CLNK: variants seen among roughly 807,000 people sequenced by gnomAD.
CLNK encodes cytokine-dependent hematopoietic cell linker.
In CLNK, 74 loss-of-function variants were observed where a neutral mutation model predicts 68.6. The observed-to-expected ratio is 1.08, with a 90% confidence interval of 0.89 to 1.31. The LOEUF (loss-of-function observed/expected upper bound fraction) is 1.31, where lower values mean the gene tolerates loss of function less well. Ranked by LOEUF, CLNK falls within the 50% of genes most tolerant of loss-of-function variation. CLNK has a pLI of 0.00. For synonymous variants in CLNK, 198 were observed against 172.2 expected (o/e 1.15, Z -1.17); for missense variants, 553 against 515.3 (o/e 1.07, Z -0.71).
At chr4:10,507,934 T>C (rs1717380415) in intron 17 of CLNK, 25 bp downstream of exon 17, 4 of 1,562,528 alleles carry the variant, frequency 2.6e-6, no homozygotes, top group South Asian at 1.2e-5. Context: ...GAAACAATAA[T>C]GATGGGCCAC....
At chr4:10,669,047 GACCCAGA>G (rs1369631419) in intron 1 of CLNK, among the ~76,000 whole-genome samples, 2 of 152,090 alleles carry the variant, frequency 1.3e-5, no homozygotes, top group African/African-American at 2.4e-5. Context: ...AGGTCCAGAG[GACCCAGA>G]AATTTCCATT....
chr4:10,722,277 T>A, the CLNK span, among the ~76,000 whole-genome samples: 1 of 152,162 alleles, frequency 6.6e-6, no homozygotes, highest in African/African-American at 2.4e-5. Context: ...TTCAATGGGA[T>A]TGAATTTTGA....
chr4:10,676,768 C>G (rs1248023007), intron 1 of CLNK, among the ~76,000 whole-genome samples: 1 of 151,922 alleles, frequency 6.6e-6, no homozygotes, highest in African/African-American at 2.4e-5. Context: ...GTTCATTTAG[C>G]TTTCTCATGT....
intron 8 of CLNK, among the ~76,000 whole-genome samples, chr4:10,547,886 A>T (rs187631469): frequency 5.9e-5 from 9 of 152,228 alleles, no homozygotes; most frequent in African/African-American, 1.7e-4. Context: ...TGATCCATTC[A>T]TCTGTCTATG....
chr4:10,646,392 G>C (rs1352279670), intron 2 of CLNK, among the ~76,000 whole-genome samples: 5 of 152,144 alleles, frequency 3.3e-5, no homozygotes, highest in Non-Finnish European at 5.9e-5. Flanking sequence ...GCATTTTAAG[G>C]GTCAGTCTAT....
chr4:10,527,030 C>T (rs1483864987), intron 13 of CLNK, among the ~76,000 whole-genome samples: 1 of 152,176 alleles, frequency 6.6e-6, no homozygotes, highest in African/African-American at 2.4e-5. Context: ...GATCGAAGGA[C>T]CGTGATTACT....
rs369706870 is a variant in CLNK, at chr4:10,553,959, G to A, written c.445+4448C>T. ...GTAGGGTGTGCTTCCTGGGAAGGTG[G>A]TGAGGCTCTTGGGCCACTCAATTAT... is the stretch of plus-strand genomic sequence containing the variant. On this transcript the variant is annotated intron_variant, in intron 8 of 18. Coordinates refer to ENST00000226951, the MANE Select transcript of CLNK (RefSeq NM_052964.4). Among the ~76,000 whole-genome samples, 18 of 152,314 alleles carry A rather than the reference G, an allele frequency of 1.2e-4. No homozygotes were observed. The South Asian group carries it at 3.5e-3, about 30-fold the overall frequency.
chr4:10,582,956 C>G (rs1448379631), intron 4 of CLNK, among the ~76,000 whole-genome samples: 1 of 152,122 alleles, frequency 6.6e-6, no homozygotes, highest in Non-Finnish European at 1.5e-5. Flanking sequence ...TGCTTTTTCA[C>G]AAAATCACAT....
chr4:10,678,810 T>C (rs879217981), intron 1 of CLNK, among the ~76,000 whole-genome samples: 2 of 152,100 alleles, frequency 1.3e-5, no homozygotes, highest in Non-Finnish European at 2.9e-5. Context: ...TTACAAGGGA[T>C]GTGAAGGACC....
At chr4:10,723,503 T>C in the CLNK span, among the ~76,000 whole-genome samples, 1 of 152,126 alleles carries the variant, frequency 6.6e-6, no homozygotes, top group African/African-American at 2.4e-5. Context: ...GTCTCAGAAG[T>C]GATGTGTGGA....
At chr4:10,578,289 G>A (rs1720645934) in intron 4 of CLNK, among the ~76,000 whole-genome samples, 1 of 152,140 alleles carries the variant, frequency 6.6e-6, no homozygotes. Flanking sequence ...TCTGTTTTTA[G>A]TGCTCATTTT....
chr4:10,725,124 C>A, the CLNK span, among the ~76,000 whole-genome samples: 1 of 152,148 alleles, frequency 6.6e-6, no homozygotes, highest in Non-Finnish European at 1.5e-5. Context: ...TGCATAATGC[C>A]TCCCCAGGTC....
At chr4:10,557,209 C>T (rs1178933875) in intron 8 of CLNK, among the ~76,000 whole-genome samples, 2 of 152,096 alleles carry the variant, frequency 1.3e-5, no homozygotes, top group African/African-American at 2.4e-5. Context: ...CTTTTCACTG[C>T]GCTGGCACTT....
At chr4:10,558,285 T>C (rs757327784) in intron 8 of CLNK, 122 bp downstream of exon 8, 1 of 757,970 alleles carries the variant, frequency 1.3e-6, no homozygotes, top group Non-Finnish European at 2.3e-6. Context: ...TCCTGAAGTG[T>C]AATTCAATAG....
chr4:10,640,292 G>A (rs1402201665), intron 2 of CLNK, among the ~76,000 whole-genome samples: 1 of 152,152 alleles, frequency 6.6e-6, no homozygotes, highest in African/African-American at 2.4e-5. Context: ...GGCCTCCCAA[G>A]TAGCTGGGAT....
At chr4:10,622,097 T>G (rs1272732464) in intron 2 of CLNK, among the ~76,000 whole-genome samples, 1 of 152,178 alleles carries the variant, frequency 6.6e-6, no homozygotes, top group East Asian at 1.9e-4. Context: ...GAAATTTGAG[T>G]TCTTAAAATC....
chr4:10,509,981 C>G (rs1271795491), intron 16 of CLNK, among the ~76,000 whole-genome samples: 1 of 152,242 alleles, frequency 6.6e-6, no homozygotes, highest in Non-Finnish European at 1.5e-5. Flanking sequence ...CTGACTGAAG[C>G]ATGAGCTGTC....
At chr4:10,696,604 G>T in the CLNK span, among the ~76,000 whole-genome samples, 1 of 152,154 alleles carries the variant, frequency 6.6e-6, no homozygotes, top group African/African-American at 2.4e-5. Context: ...GGCTGTAAGG[G>T]CTGTAGGAGA....
intron 1 of CLNK, among the ~76,000 whole-genome samples, chr4:10,669,558 G>GTTTCACCA (rs2108894839): frequency 6.6e-6 from 1 of 152,248 alleles, no homozygotes; most frequent in Admixed American, 6.5e-5. Flanking sequence ...GTTGGTAGCT[G>GTTTCACCA]GGATGTTGGT....
Sources: allele counts gnomAD v4.1 joint callset (sites outside exome capture counted in the v4.1 genomes callset), GRCh38; gene constraint gnomAD v4.1.1; transcripts MANE v1.5; gene names NCBI Gene and HGNC (gene_info 2026-07-23, HGNC 2026-07-21).